Variants in FAM234A observed in about 807,000 individuals in gnomAD.
The protein encoded by FAM234A is protein FAM234A.
FAM234A carries 42 observed loss-of-function variants against 49.1 expected under a neutral mutation model. That is an observed-to-expected ratio of 0.86 (90% confidence interval 0.67 to 1.11). The LOEUF is 1.11. Among genes scored for constraint, FAM234A ranks in the 50% least tolerant of loss-of-function variants. The pLI is 0.00. For synonymous variants in FAM234A, 369 were observed against 316.2 expected, an observed-to-expected ratio of 1.17 and a Z score of -1.77; for missense variants, 815 against 745.2, an observed-to-expected ratio of 1.09 and a Z score of -1.09.
downstream of FAM234A, among the ~76,000 whole-genome samples, chr16:266,432 A>C (rs536465699): frequency 1.3e-5 from 2 of 152,300 alleles, no homozygotes; most frequent in Admixed American, 1.3e-4. Flanking sequence ...GCTGGAGTCC[A>C]GCGTGAAGGG....
chr16:267,470 C>G (rs373191238), downstream of FAM234A, among the ~76,000 whole-genome samples: 2 of 150,362 alleles, frequency 1.3e-5, no homozygotes, highest in East Asian at 3.9e-4. Flanking sequence ...ATGTACTATA[C>G]ATGTGCACAC....
intron 2 of FAM234A, among the ~76,000 whole-genome samples, chr16:251,383 T>A (rs986427637): frequency 6.6e-6 from 1 of 152,140 alleles, no homozygotes; most frequent in African/African-American, 2.4e-5. Context: ...TTTTTTGTTT[T>A]GTTTTTTTTG....
chr16:254,351 C>G, intron 2 of FAM234A, 30 bp from the exon 3 acceptor site: 1 of 1,578,790 alleles, frequency 6.3e-7, no homozygotes, highest in Non-Finnish European at 8.6e-7. Flanking sequence ...GGACTGCTGG[C>G]CTCGCCGACC....
downstream of FAM234A, among the ~76,000 whole-genome samples, chr16:267,787 C>G (rs1187258488): frequency 6.8e-6 from 1 of 147,798 alleles, no homozygotes; most frequent in Non-Finnish European, 1.5e-5. Context: ...ACCACACATG[C>G]CTCACAGTAC....
intron 11 of FAM234A, among the ~76,000 whole-genome samples, 157 bp downstream of exon 11, chr16:264,328 G>T (rs1308674386): frequency 1.3e-5 from 2 of 152,228 alleles, no homozygotes; most frequent in African/African-American, 4.8e-5. Flanking sequence ...GCAAGCTGAG[G>T]CAAAGTGACC....
At position 263,776 on chromosome 16, in the gene FAM234A, G is replaced by C; in HGVS notation, c.1188+1G>C. ...AAACGGAACTGGCACCGACAGACAG[G>C]TTCGTTGTTCTTCCTTCGGAGGTGG... On this transcript the variant is annotated splice_donor_variant, in intron 10 of 12. Coordinates refer to ENST00000399932, the MANE Select transcript of FAM234A (RefSeq NM_032039.4). LOFTEE classifies it high-confidence loss of function. The C allele has an allele frequency of 6.2e-7, 1 of 1,611,354 alleles. No homozygotes were observed.
chr16:251,716 G>T (rs1324091191), intron 2 of FAM234A, among the ~76,000 whole-genome samples: 1 of 135,312 alleles, frequency 7.4e-6, no homozygotes, highest in Non-Finnish European at 1.5e-5. Context: ...TAAGAGATGG[G>T]GTCTTGGCCA....
In FAM234A at chr16:236,526, G is replaced by A. The variant is rs557722306; in HGVS notation, c.-140+1669G>A. Among the ~76,000 whole-genome samples the A allele has an allele frequency of 2.4e-4, 36 of 151,724 alleles. No homozygotes were observed. In the South Asian group the frequency reaches 4.6e-3, roughly 19 times the overall value. Reference sequence around the variant, plus strand: ...TAGTCCCAGCTACTTGGGAGGCTGGGGCAGGAGAATAGCTTGAACCCGAGA... The same window carrying A: ...TAGTCCCAGCTACTTGGGAGGCTGGAGCAGGAGAATAGCTTGAACCCGAGA... On this transcript the variant is annotated intron_variant, in intron 1 of 12. Transcript: ENST00000399932.
At chr16:267,939 AC>A (rs1466065086), downstream of FAM234A, among the ~76,000 whole-genome samples, 33 of 149,242 alleles carry the variant, frequency 2.2e-4, no homozygotes, top group African/African-American at 7.4e-4. Context: ...TGCACTACAC[AC>A]AATCACACAT....
chr16:244,206 G>A (rs2050719910), intron 1 of FAM234A, among the ~76,000 whole-genome samples: 1 of 152,102 alleles, frequency 6.6e-6, no homozygotes, highest in South Asian at 2.1e-4. Context: ...CTGACCTTGT[G>A]ATCCACCCGC....
chr16:267,367 A>C (rs1158404995), downstream of FAM234A, among the ~76,000 whole-genome samples: 1 of 152,064 alleles, frequency 6.6e-6, no homozygotes, highest in African/African-American at 2.4e-5. Flanking sequence ...GAGAGGGTCA[A>C]GTCCCTCCTC....
At chr16:252,002 C>G (rs1223727335) in intron 2 of FAM234A, among the ~76,000 whole-genome samples, 1 of 48,064 alleles carries the variant, frequency 2.1e-5, no homozygotes, top group South Asian at 7.7e-4. Flanking sequence ...GACTCCGTCT[C>G]AAAAAAAAAA....
chr16:244,596 T>C (rs1162567676), intron 1 of FAM234A, among the ~76,000 whole-genome samples: 1 of 152,160 alleles, frequency 6.6e-6, no homozygotes, highest in Non-Finnish European at 1.5e-5. Context: ...TTATACTTTT[T>C]ATTTTGGACT....
intron 1 of FAM234A, among the ~76,000 whole-genome samples, chr16:236,646 C>T (rs1355691620): frequency 6.6e-6 from 1 of 150,724 alleles, no homozygotes; most frequent in Non-Finnish European, 1.5e-5. Context: ...GTGGCTCACG[C>T]CTGTAATCCC....
Position 254,509 on chromosome 16 carries a change from G to A in FAM234A, c.96G>A (p.Glu32=), listed in dbSNP as rs372322427. 4 of 1,614,218 alleles carry A rather than the reference G, an allele frequency of 2.5e-6. No individual in the cohort carries two copies. The highest frequency in any genetic ancestry group is 3.4e-6 in the Non-Finnish European group (4 of 1,180,028). ...QENLGNPSKN[E]DNVKSAPPQS... ...ATCTGGGAAATCCATCAAAAAATGAGGATAACGTGAAAAGCGCGCCTCCAC... is the reference window on the plus strand; with the variant it reads ...ATCTGGGAAATCCATCAAAAAATGAAGATAACGTGAAAAGCGCGCCTCCAC... Residue 32 remains glutamate (E), a synonymous_variant, in exon 3 of 13, where the codon GAG becomes GAA. Coordinates refer to ENST00000399932, the MANE Select transcript of FAM234A (RefSeq NM_032039.4).
At chr16:268,813 G>A (rs943334462), downstream of FAM234A, 6 of 1,550,270 alleles carry the variant, frequency 3.9e-6, no homozygotes, top group East Asian at 1.2e-4. Flanking sequence ...TCTTGGACGG[G>A]GCAGAGCTCG....
chr16:263,490 T>G, intron 9 of FAM234A, 88 bp downstream of exon 9: 2 of 1,544,640 alleles, frequency 1.3e-6, no homozygotes, highest in Non-Finnish European at 8.7e-7. Context: ...GAGACAGCGC[T>G]GGGGGTGGGG....
At chr16:263,586 C>T in intron 9 of FAM234A, 114 bp from the exon 10 acceptor site, 1 of 1,272,600 alleles carries the variant, frequency 7.9e-7, no homozygotes, top group South Asian at 1.2e-5. Context: ...TGTCCTGGGC[C>T]CTGGTCCAGA....
chr16:268,455 C>A (rs181252644), downstream of FAM234A: 311 of 443,910 alleles, frequency 7.0e-4, no homozygotes, highest in Admixed American at 2.0e-3. Flanking sequence ...GCCAGCTGTA[C>A]CTTCACCCAG....
Sources: gnomAD v4.1 joint callset for allele counts (sites outside exome capture counted in the v4.1 genomes callset) on GRCh38, gnomAD v4.1.1 for gene constraint, MANE v1.5 for transcripts, NCBI Gene and HGNC (gene_info 2026-07-23, HGNC 2026-07-21) for gene names.